KCNIP4: variants seen among roughly 807,000 people sequenced by gnomAD.
KCNIP4 encodes the protein Kv channel-interacting protein 4.
KCNIP4 carries 12 observed loss-of-function variants against 34.0 expected under a neutral mutation model. That is an observed-to-expected ratio of 0.35 (90% confidence interval 0.23 to 0.57). The LOEUF (loss-of-function observed/expected upper bound fraction) is 0.57, where lower values mean the gene tolerates loss of function less well. Ranked by LOEUF, KCNIP4 falls within the 20% of genes least tolerant of loss-of-function variation. KCNIP4 has a pLI of 0.83. For synonymous variants in KCNIP4, 124 were observed against 102.2 expected (o/e 1.21, Z -1.29); for missense variants, 238 against 311.7 (o/e 0.76, Z 1.78).
intron 1 of KCNIP4, among the ~76,000 whole-genome samples, chr4:21,488,336 T>C (rs189333376): frequency 2.0e-5 from 3 of 152,260 alleles, no homozygotes; most frequent in East Asian, 3.9e-4. Flanking sequence ...TATACATCTA[T>C]AGCAGCAACA....
At chr4:21,529,549 AT>A (rs1736495741) in intron 1 of KCNIP4, among the ~76,000 whole-genome samples, 1 of 152,090 alleles carries the variant, frequency 6.6e-6, no homozygotes, top group African/African-American at 2.4e-5. Context: ...AGTTTTTTTT[AT>A]CTTCTTTTTC....
In KCNIP4 at chr4:20,969,900, C is replaced by T. The variant is rs150226943; in HGVS notation, c.62-87191G>A. On this transcript the variant is annotated intron_variant, in intron 1 of 8. Transcript: ENST00000382152. ...TATTAAGTTTAAGGGATCAGATATA[C>T]ATGGAGAAAAAAACTGAAAATAAAC... Among the ~76,000 whole-genome samples the T allele has an allele frequency of 1.4e-3, 211 of 150,042 alleles. 2 individuals are homozygous for T. The East Asian group carries it at 0.038, about 27-fold the overall frequency.
At chr4:21,267,354 A>T (rs1180572693) in intron 1 of KCNIP4, among the ~76,000 whole-genome samples, 1 of 142,406 alleles carries the variant, frequency 7.0e-6, no homozygotes, top group Non-Finnish European at 1.5e-5. Context: ...ATAAAGGTAG[A>T]TTAAAAAAAA....
intron 1 of KCNIP4, among the ~76,000 whole-genome samples, chr4:21,666,306 A>G (rs1054400096): frequency 1.3e-4 from 20 of 152,226 alleles, no homozygotes; most frequent in Non-Finnish European, 1.5e-5. Flanking sequence ...TTTGTCATCA[A>G]TAAGTTGAAT....
intron 1 of KCNIP4, among the ~76,000 whole-genome samples, chr4:21,005,600 C>A (rs1026490077): frequency 1.1e-4 from 16 of 152,154 alleles, no homozygotes; most frequent in African/African-American, 3.9e-4. Context: ...TATAACCTGC[C>A]TGAGAACTCA....
chr4:21,655,407 G>T (rs889160243), intron 1 of KCNIP4, among the ~76,000 whole-genome samples: 7 of 152,130 alleles, frequency 4.6e-5, no homozygotes, highest in Middle Eastern at 6.8e-3. Flanking sequence ...TACAAGCAGG[G>T]AGAGACCACG....
chr4:21,207,760 T>G (rs932257459), intron 1 of KCNIP4, among the ~76,000 whole-genome samples: 5 of 152,160 alleles, frequency 3.3e-5, no homozygotes, highest in African/African-American at 4.8e-5. Context: ...ACTAAGAGCC[T>G]ATTTTAATCA....
chr4:20,780,572 C>T (rs1308627276), intron 3 of KCNIP4, among the ~76,000 whole-genome samples: 1 of 152,154 alleles, frequency 6.6e-6, no homozygotes, highest in African/African-American at 2.4e-5. Flanking sequence ...GCCAATACCC[C>T]ATTTAACATG....
chr4:21,511,583 T>A (rs1734317555), intron 1 of KCNIP4, among the ~76,000 whole-genome samples: 2 of 152,172 alleles, frequency 1.3e-5, no homozygotes, highest in African/African-American at 4.8e-5. Context: ...TGTTTGGTAA[T>A]TTTCTTAATC....
At position 21,092,537 on chromosome 4, in the gene KCNIP4, T is replaced by C. The variant is rs1420857498; in HGVS notation, c.62-209828A>G. ...TGAACTTGAGTGAGCTGCCCTGAAA[T>C]GAGAGCCATTTGTTTAAAGTTCTGT... On this transcript the variant is annotated intron_variant, in intron 1 of 8. Transcript: ENST00000382152. Among the ~76,000 whole-genome samples, 5 of 152,306 alleles carry C rather than the reference T, an allele frequency of 3.3e-5. No homozygotes were observed. In the East Asian group the frequency reaches 9.6e-4, roughly 29 times the overall value.
At chr4:20,978,561 G>T (rs1735711299) in intron 1 of KCNIP4, among the ~76,000 whole-genome samples, 1 of 152,230 alleles carries the variant, frequency 6.6e-6, no homozygotes, top group East Asian at 1.9e-4. Flanking sequence ...GCTTGTACAT[G>T]GTGTTACCTC....
At chr4:20,768,790 C>T (rs185712916) in intron 3 of KCNIP4, among the ~76,000 whole-genome samples, 4 of 152,160 alleles carry the variant, frequency 2.6e-5, no homozygotes, top group Admixed American at 2.6e-4. Context: ...ATTTCCTGAA[C>T]ACACTTCTGG....
intron 1 of KCNIP4, among the ~76,000 whole-genome samples, chr4:21,436,196 T>C (rs907412628): frequency 6.6e-5 from 10 of 152,166 alleles, no homozygotes; most frequent in Non-Finnish European, 1.2e-4. Context: ...AATCATGTGT[T>C]TGCATTTGGA....
At chr4:21,565,690 A>G (rs1739827552) in intron 1 of KCNIP4, among the ~76,000 whole-genome samples, 1 of 152,140 alleles carries the variant, frequency 6.6e-6, no homozygotes, top group South Asian at 2.1e-4. Context: ...TCATTTACAG[A>G]ATACTCTGTG....
chr4:20,749,223 C>T (rs1211434545), intron 5 of KCNIP4, among the ~76,000 whole-genome samples: 2 of 151,462 alleles, frequency 1.3e-5, no homozygotes, highest in Non-Finnish European at 2.9e-5. Context: ...GAGATTTCCT[C>T]GTAGAATTGT....
At chr4:21,901,971 T>C (rs1333674987) in intron 1 of KCNIP4, among the ~76,000 whole-genome samples, 1 of 152,194 alleles carries the variant, frequency 6.6e-6, no homozygotes, top group Non-Finnish European at 1.5e-5. Context: ...AGATACTTTA[T>C]AAATTTAATA....
chr4:20,806,720 A>G (rs980128372), intron 3 of KCNIP4, among the ~76,000 whole-genome samples: 1 of 152,226 alleles, frequency 6.6e-6, no homozygotes, highest in African/African-American at 2.4e-5. Context: ...AATACTCACT[A>G]TAAGAAAACA....
chr4:21,069,355 A>C (rs1744690935), intron 1 of KCNIP4, among the ~76,000 whole-genome samples: 1 of 152,202 alleles, frequency 6.6e-6, no homozygotes, highest in African/African-American at 2.4e-5. Context: ...TCAGCACATC[A>C]TTCTACTCTG....
intron 3 of KCNIP4, chr4:20,766,867 C>G (rs1202403853): frequency 1.3e-5 from 2 of 152,086 alleles, no homozygotes; most frequent in Non-Finnish European, 2.9e-5. Flanking sequence ...CTGGGTTGAA[C>G]CCCTACTCTG....
Sources: gnomAD v4.1 joint callset for allele counts (sites outside exome capture counted in the v4.1 genomes callset) on GRCh38, gnomAD v4.1.1 for gene constraint, MANE v1.5 for transcripts, NCBI Gene and HGNC (gene_info 2026-07-23, HGNC 2026-07-21) for gene names.